ARID3B: variants seen among roughly 807,000 people sequenced by gnomAD.
The protein encoded by ARID3B is AT-rich interaction domain 3B.
A neutral mutation model predicts 51.9 loss-of-function variants in ARID3B; 10 were observed. That is an observed-to-expected ratio of 0.19 (90% CI 0.12 to 0.33). The LOEUF is 0.33. Ranked by LOEUF, ARID3B falls within the 10% of genes least tolerant of loss-of-function variation. The probability of loss-of-function intolerance (pLI) is 1.00; values close to 1 mark genes in which losing one functional copy is unlikely to be tolerated. For synonymous variants in ARID3B, 205 were observed against 279.5 expected, an observed-to-expected ratio of 0.73 and a Z score of 2.66; for missense variants, 483 against 716.3, an observed-to-expected ratio of 0.67 and a Z score of 3.72.
chr15:74,581,280 G>A (rs541873414), intron 4 of ARID3B, among the ~76,000 whole-genome samples: 1 of 152,302 alleles, frequency 6.6e-6, no homozygotes, highest in African/African-American at 2.4e-5. Flanking sequence ...GTGGGAAAAG[G>A]GCTTGGTCTG....
At chr15:74,556,934 C>T (rs1357817843) in intron 2 of ARID3B, among the ~76,000 whole-genome samples, 1 of 151,702 alleles carries the variant, frequency 6.6e-6, no homozygotes, top group Non-Finnish European at 1.5e-5. Context: ...GCCACCATGC[C>T]CAGCTAATTT....
At chr15:74,578,204 C>A (rs1429551716) in intron 4 of ARID3B, among the ~76,000 whole-genome samples, 1 of 150,106 alleles carries the variant, frequency 6.7e-6, no homozygotes, top group African/African-American at 2.5e-5. Context: ...AGCAAAGTCT[C>A]CCTCTGTAGC....
rs202245107 is a variant in ARID3B at position 74,591,443 on chromosome 15, G to A, written c.1165+9G>A. The A allele has an allele frequency of 2.5e-6, 4 of 1,598,628 alleles. No individual in the cohort carries two copies. The African/African-American group carries it at 4.0e-5, about 16-fold the overall frequency. On this transcript the variant is annotated intron_variant, in intron 6 of 8. Transcript: ENST00000346246. The surrounding 1 kb of genome is among the most constrained non-coding windows in gnomAD (Gnocchi z 5.8). ...AACCACTCTCAGGAAAGGTCAGCAG[G>A]GCTCCTGGGGGAGAAGGAAGAAAGG...
chr15:74,545,916 A>G (rs1418813109), intron 2 of ARID3B, among the ~76,000 whole-genome samples: 1 of 152,186 alleles, frequency 6.6e-6, no homozygotes, highest in Non-Finnish European at 1.5e-5. Context: ...AAATAAAAAG[A>G]GTGCCACTGC....
At chr15:74,566,070 C>T (rs2061696927) in intron 2 of ARID3B, among the ~76,000 whole-genome samples, 1 of 152,112 alleles carries the variant, frequency 6.6e-6, no homozygotes, top group South Asian at 2.1e-4. Context: ...AATCCAGATC[C>T]AGTTGATTCT....
Position 74,591,248 on chromosome 15 carries a change from C to G in ARID3B, c.979C>G (p.Arg327Gly). The G allele has an allele frequency of 6.2e-7, 1 of 1,613,910 alleles. No individual in the cohort carries two copies. Among genetic ancestry groups the G allele is most frequent in the Non-Finnish European group, 8.5e-7 (1 of 1,179,904 alleles). The change falls in exon 6 of 9, where the codon CGG becomes GGG. Residue 327 changes from arginine to glycine, a missense_variant. This residue lies in a region of ARID3B where 265 missense variants were observed against 354.4 expected (regional missense o/e 0.75). Transcript: ENST00000346246. The surrounding 1 kb of genome is among the most constrained non-coding windows in gnomAD (Gnocchi z 5.8). ...AATTGATGGCAACCGCAGGGAGGGC[C>G]GGCGGCCCAGCTACAGCTCCTCCCT... ...AAIDGNRREG[R>G]RPSYSSSLFG...
chr15:74,583,486 G>A (rs2061769022), intron 4 of ARID3B, among the ~76,000 whole-genome samples: 3 of 152,136 alleles, frequency 2.0e-5, no homozygotes, highest in South Asian at 2.1e-4. Flanking sequence ...GGGAGGCTGA[G>A]GCAGGCGGAT....
chr15:74,544,625 A>C (rs2061608788), intron 2 of ARID3B, 137 bp downstream of exon 2: 1 of 731,498 alleles, frequency 1.4e-6, no homozygotes, highest in Middle Eastern at 3.0e-4. Context: ...ACATGAATAG[A>C]CTTTGGATTT....
At position 74,595,713 on chromosome 15, in the gene ARID3B, C is replaced by A; in HGVS notation, c.1622C>A (p.Pro541Gln). 1 of 1,613,478 alleles carries A rather than the reference C, an allele frequency of 6.2e-7. No homozygotes were observed. Among genetic ancestry groups the A allele is most frequent in the Non-Finnish European group, 8.5e-7 (1 of 1,179,506 alleles). ...AGCAGCAGCAGCTCTCACTGTTCACCAAGTCCTACCTCATCCCGGGGCACC... is the reference window on the plus strand; with the variant it reads ...AGCAGCAGCAGCTCTCACTGTTCACAAAGTCCTACCTCATCCCGGGGCACC... ...ASSSSSSHCS[P>Q]SPTSSRGTPS... Residue 541 changes from proline (P) to glutamine (Q), a missense_variant, in exon 9 of 9, where the codon CCA becomes CAA. Coordinates refer to ENST00000346246, the MANE Select transcript of ARID3B (RefSeq NM_006465.4).
At chr15:74,589,652 T>G (rs529788919) in intron 4 of ARID3B, among the ~76,000 whole-genome samples, 168 bp from the exon 5 acceptor site, 2 of 152,250 alleles carry the variant, frequency 1.3e-5, no homozygotes, top group East Asian at 3.8e-4. Context: ...GCGTTGGACC[T>G]GTCCTGACAG....
rs898604635 is a variant in ARID3B at position 74,596,732 on chromosome 15, T to G, written c.*958T>G. The G allele has an allele frequency of 4.3e-6, 1 of 233,598 alleles. No individual in the cohort carries two copies. The highest frequency in any genetic ancestry group is 8.5e-6 in the Non-Finnish European group (1 of 118,050). 14.5% of individuals were successfully genotyped at this position (233,598 alleles called of 1,614,324 possible). ...TACCTCAGATTTGTAATTGTTGATG[T>G]TTGAGTCTTCAGGAAGTATTTGCAT... On this transcript the variant is annotated 3_prime_UTR_variant, in exon 9 of 9. Coordinates refer to ENST00000346246, the MANE Select transcript of ARID3B (RefSeq NM_006465.4).
intron 4 of ARID3B, among the ~76,000 whole-genome samples, chr15:74,585,230 C>T (rs1200755856): frequency 2.0e-5 from 3 of 152,214 alleles, no homozygotes; most frequent in Non-Finnish European, 4.4e-5. Flanking sequence ...TGTTTGCCTC[C>T]TTCCTGGTGC....
At chr15:74,581,209 C>T (rs1451087419) in intron 4 of ARID3B, among the ~76,000 whole-genome samples, 9 of 152,190 alleles carry the variant, frequency 5.9e-5, no homozygotes, top group Admixed American at 5.9e-4. Flanking sequence ...TGCAAACTGA[C>T]CTTGGTTTTC....
At chr15:74,581,628 T>C (rs955063750) in intron 4 of ARID3B, among the ~76,000 whole-genome samples, 1 of 152,174 alleles carries the variant, frequency 6.6e-6, no homozygotes, top group Non-Finnish European at 1.5e-5. Context: ...GTTAAAAAAA[T>C]ATACTGGTTT....
At chr15:74,581,653 A>G (rs1450149482) in intron 4 of ARID3B, among the ~76,000 whole-genome samples, 2 of 152,118 alleles carry the variant, frequency 1.3e-5, no homozygotes, top group Non-Finnish European at 2.9e-5. Flanking sequence ...CCCATTTTTA[A>G]TAGTCATTAT....
intron 2 of ARID3B, among the ~76,000 whole-genome samples, chr15:74,566,152 G>A (rs867402042): frequency 1.3e-5 from 2 of 151,988 alleles, no homozygotes; most frequent in African/African-American, 4.8e-5. Flanking sequence ...CTCAGCTTGG[G>A]CTACTGCACA....
intron 2 of ARID3B, among the ~76,000 whole-genome samples, chr15:74,553,474 T>C (rs1387932795): frequency 1.3e-5 from 2 of 152,262 alleles, no homozygotes; most frequent in Non-Finnish European, 2.9e-5. Context: ...GTGGTTTCAT[T>C]GTTGGCTAGT....
chr15:74,566,632 T>G (rs1308059187), intron 2 of ARID3B, among the ~76,000 whole-genome samples: 1 of 151,800 alleles, frequency 6.6e-6, no homozygotes, highest in East Asian at 1.9e-4. Flanking sequence ...CTAAATAAAT[T>G]TTGTGAAGGT....
At chr15:74,579,875 GCGCGCGCGCA>G in intron 4 of ARID3B, among the ~76,000 whole-genome samples, 1 of 124,610 alleles carries the variant, frequency 8.0e-6, no homozygotes, top group African/African-American at 4.7e-5. Flanking sequence ...GTGTGTGTGC[GCGCGCGCGCA>G]CACGCAAAAA....
Sources: gnomAD v4.1 joint callset for allele counts (sites outside exome capture counted in the v4.1 genomes callset) on GRCh38, gnomAD v4.1.1 for gene constraint, gnomAD v4.1.1 regional missense constraint, Gnocchi (gnomAD v3.1) non-coding constraint, MANE v1.5 for transcripts, NCBI Gene and HGNC (gene_info 2026-07-23, HGNC 2026-07-21) for gene names.